The following DLGAP2 variants were observed in gnomAD, a reference collection of about 807,000 sequenced individuals.
DLGAP2 encodes the protein DLG associated protein 2.
DLGAP2 carries 26 observed loss-of-function variants against 100.3 expected under a neutral mutation model. That is an observed-to-expected ratio of 0.26 (90% CI 0.19 to 0.36). DLGAP2 has a LOEUF of 0.36. Among genes scored for constraint, DLGAP2 ranks in the 10% least tolerant of loss-of-function variants. DLGAP2 has a pLI of 1.00. For synonymous variants in DLGAP2, 886 were observed against 630.1 expected (o/e 1.41, Z -6.08); for missense variants, 1,858 against 1,453.2 (o/e 1.28, Z -4.53).
intron 2 of DLGAP2, among the ~76,000 whole-genome samples, chr8:998,216 G>T (rs866800084): frequency 2.4e-4 from 37 of 152,292 alleles, no homozygotes; most frequent in African/African-American, 8.7e-4. Flanking sequence ...ACACATGCAT[G>T]CATGCACACA....
chr8:1,048,363 C>T (rs1405662146), intron 2 of DLGAP2, among the ~76,000 whole-genome samples: 2 of 152,022 alleles, frequency 1.3e-5, no homozygotes, highest in Non-Finnish European at 2.9e-5. Context: ...ACTTCAAAGC[C>T]GTTGCTACTT....
chr8:771,266 G>C (rs919519818), intron 1 of DLGAP2, among the ~76,000 whole-genome samples: 1 of 152,218 alleles, frequency 6.6e-6, no homozygotes, highest in Non-Finnish European at 1.5e-5. Context: ...AAAACTAAGA[G>C]ATATGAGTTT....
At chr8:776,543 A>G (rs997174887) in intron 1 of DLGAP2, among the ~76,000 whole-genome samples, 1 of 152,150 alleles carries the variant, frequency 6.6e-6, no homozygotes, top group Non-Finnish European at 1.5e-5. Context: ...AGATTCTGGT[A>G]TGTTTTGTCT....
chr8:1,188,084 C>T (rs1390320383), intron 2 of DLGAP2, among the ~76,000 whole-genome samples: 4 of 137,712 alleles, frequency 2.9e-5, no homozygotes, highest in Admixed American at 2.1e-4. Flanking sequence ...ACGTTTGCCT[C>T]ATGGAATCTC....
At chr8:1,661,812 T>C (rs779876901) in intron 8 of DLGAP2, among the ~76,000 whole-genome samples, 1 of 152,232 alleles carries the variant, frequency 6.6e-6, no homozygotes, top group South Asian at 2.1e-4. Flanking sequence ...GTTTCTATGT[T>C]TATCTAAAGA....
intron 2 of DLGAP2, among the ~76,000 whole-genome samples, chr8:925,330 G>T (rs946991723): frequency 1.3e-5 from 2 of 152,116 alleles, no homozygotes; most frequent in Admixed American, 1.3e-4. Context: ...TTATGTTGCC[G>T]AGGCTGGTCT....
intron 2 of DLGAP2, among the ~76,000 whole-genome samples, chr8:1,100,661 A>C (rs1034683434): frequency 6.6e-6 from 1 of 152,220 alleles, no homozygotes; most frequent in African/African-American, 2.4e-5. Flanking sequence ...GATAATTGTC[A>C]GACGTCATGA....
chr8:1,552,774 T>C (rs1042314645), intron 5 of DLGAP2, among the ~76,000 whole-genome samples: 4 of 152,228 alleles, frequency 2.6e-5, no homozygotes, highest in Admixed American at 6.5e-5. Flanking sequence ...AGGATCACTT[T>C]TCATTTTCAC....
At chr8:1,284,306 G>T (rs2116955353) in intron 3 of DLGAP2, among the ~76,000 whole-genome samples, 1 of 152,302 alleles carries the variant, frequency 6.6e-6, no homozygotes, top group South Asian at 2.1e-4. Flanking sequence ...TGGAAGGCCT[G>T]TCTGGATTCT....
intron 3 of DLGAP2, among the ~76,000 whole-genome samples, chr8:1,325,308 A>C (rs963373027): frequency 6.6e-6 from 1 of 152,166 alleles, no homozygotes. Flanking sequence ...GGAAGTTCCC[A>C]AACAACTTAG....
intron 2 of DLGAP2, among the ~76,000 whole-genome samples, chr8:977,220 C>T (rs11137116): frequency 0.067 from 10,130 of 152,306 alleles, 477 homozygotes; most frequent in Admixed American, 0.13. Flanking sequence ...GGCAGAGACC[C>T]ACTCCTTGCC....
chr8:1,374,860 C>T (rs1285650690), intron 3 of DLGAP2, among the ~76,000 whole-genome samples: 2 of 152,188 alleles, frequency 1.3e-5, no homozygotes, highest in African/African-American at 2.4e-5. Flanking sequence ...TCCGGTGCCG[C>T]ACGGCCTGGC....
chr8:881,666 A>ATGTATATATATATATATATATATAT lies in DLGAP2; in HGVS notation c.19-26246_19-26245insTGTATATATATATATATATATATAT. On this transcript the variant is annotated intron_variant, in intron 1 of 14. Transcript: ENST00000637795. ...AGGCGCACGCCACCACTTGTGGCTG[A>ATGTATATATATATATATATATATAT]ACACACACACACACACTTTTTTTTT... Among the ~76,000 whole-genome samples, 182 of 130,970 alleles carry ATGTATATATATATATATATATATAT rather than the reference A, an allele frequency of 1.4e-3. 2 individuals are homozygous for ATGTATATATATATATATATATATAT. Among genetic ancestry groups the ATGTATATATATATATATATATATAT allele is most frequent in the African/African-American group, 2.6e-3 (94 of 36,766 alleles). The allele number at this position is 130,970 out of a possible 152,430, so 85.9% of individuals were successfully genotyped here.
rs1799595376 is a variant in DLGAP2 at position 1,702,269 on chromosome 8, A to T, written c.*863A>T. On this transcript the variant is annotated 3_prime_UTR_variant, in exon 15 of 15. Transcript: ENST00000637795. The stretch of plus-strand genomic sequence containing the variant: ...AATACGACACCCAGTATTTTCTTTA[A>T]GTTTCACCATTTACGCTACATGTGA... The T allele has an allele frequency of 6.6e-6, 1 of 152,228 alleles. No homozygotes were observed. Among genetic ancestry groups the T allele is most frequent in the Admixed American group, 6.6e-5 (1 of 15,266 alleles). 9.4% of individuals were successfully genotyped at this position (152,228 alleles called of 1,614,324 possible). A position where few individuals can be genotyped will look rare whatever the true frequency, so the allele number is the denominator to read the frequency against.
At chr8:1,568,549 C>T (rs1802513477) in intron 6 of DLGAP2, among the ~76,000 whole-genome samples, 1 of 146,782 alleles carries the variant, frequency 6.8e-6, no homozygotes, top group African/African-American at 2.5e-5. Context: ...TGCCCGTGGC[C>T]CCCATTCCAC....
chr8:1,448,339 T>G (rs1350814367), intron 3 of DLGAP2, among the ~76,000 whole-genome samples: 1 of 152,248 alleles, frequency 6.6e-6, no homozygotes, highest in Non-Finnish European at 1.5e-5. Context: ...TTCATTTTAT[T>G]ATGTACCTAG....
At chr8:1,536,361 C>T (rs1019356460) in intron 4 of DLGAP2, among the ~76,000 whole-genome samples, 1 of 152,180 alleles carries the variant, frequency 6.6e-6, no homozygotes, top group Non-Finnish European at 1.5e-5. Flanking sequence ...AAAACTGCCT[C>T]TCATTTCATA....
chr8:956,653 T>G (rs1411198830), intron 2 of DLGAP2, among the ~76,000 whole-genome samples: 1 of 152,220 alleles, frequency 6.6e-6, no homozygotes, highest in Non-Finnish European at 1.5e-5. Flanking sequence ...CCACATTCCA[T>G]TTACAGATCT....
chr8:1,460,921 C>T (rs1179081989), intron 3 of DLGAP2, among the ~76,000 whole-genome samples: 1 of 152,220 alleles, frequency 6.6e-6, no homozygotes, highest in African/African-American at 2.4e-5. Context: ...AAAGGACTCT[C>T]TCCAGAGCAT....
Sources: gnomAD v4.1 joint callset for allele counts (sites outside exome capture counted in the v4.1 genomes callset) on GRCh38, gnomAD v4.1.1 for gene constraint, MANE v1.5 for transcripts, NCBI Gene and HGNC (gene_info 2026-07-23, HGNC 2026-07-21) for gene names.